Variants in EPG5 observed in about 807,000 individuals in gnomAD.
The protein encoded by EPG5 is ectopic P granules protein 5 homolog.
In EPG5, 159 loss-of-function variants were observed where a neutral mutation model predicts 302.7. The observed-to-expected ratio is 0.53, with a 90% CI of 0.46 to 0.60. The LOEUF (loss-of-function observed/expected upper bound fraction) is 0.60. EPG5 is among the 20% of genes least tolerant of loss of function. The pLI, the probability that EPG5 is intolerant of heterozygous loss-of-function variation, is 0.00. For synonymous variants in EPG5, 1,158 were observed against 1,136.8 expected, an observed-to-expected ratio of 1.02 and a Z score of -0.37; for missense variants, 2,896 against 3,092.4, an observed-to-expected ratio of 0.94 and a Z score of 1.51.
the EPG5 span, among the ~76,000 whole-genome samples, chr18:45,813,852 A>ACGT: frequency 6.6e-6 from 1 of 152,164 alleles, no homozygotes; most frequent in Non-Finnish European, 1.5e-5. Context: ...AACATGGCGC[A>ACGT]CGTATACATA....
In EPG5 at chr18:45,864,848, C is replaced by G. The variant is rs888923165; in HGVS notation, c.6766+767G>C. On this transcript the variant is annotated intron_variant, in intron 39 of 43. Coordinates refer to ENST00000282041, the MANE Select transcript of EPG5 (RefSeq NM_020964.3). ...AATTCTCAAAACAGATATCTCTTTT[C>G]CTGCATAAACATTTAACCTAACAAC... Among the ~76,000 whole-genome samples the G allele has an allele frequency of 2.6e-5, 4 of 152,208 alleles. 1 individual carries two copies. Among genetic ancestry groups the G allele is most frequent in the African/African-American group, 9.7e-5 (4 of 41,450 alleles).
intron 32 of EPG5, 87 bp from the exon 33 acceptor site, chr18:45,879,301 T>C: frequency 1.1e-6 from 1 of 906,650 alleles, no homozygotes; most frequent in South Asian, 1.6e-5. Context: ...GTGTATATAG[T>C]AGGTCTTTGA....
chr18:45,958,588 TACA>T (rs371480781), intron 1 of EPG5, among the ~76,000 whole-genome samples: 103 of 152,312 alleles, frequency 6.8e-4, no homozygotes, highest in African/African-American at 2.3e-3. Flanking sequence ...CAAATGGTGC[TACA>T]ACAACTGGAT....
At position 45,916,654 on chromosome 18, in the gene EPG5, G is replaced by A. The variant is rs563211746; in HGVS notation, c.3240-72C>T. The A allele has an allele frequency of 2.5e-5, 36 of 1,443,956 alleles. No homozygotes were observed. In the African/African-American group the frequency reaches 4.0e-4, roughly 16 times the overall value. The allele number at this position is 1,443,956 out of a possible 1,614,324, so 89.4% of individuals were successfully genotyped here. A position where few individuals can be genotyped will look rare whatever the true frequency, so the allele number is the denominator to read the frequency against. On this transcript the variant is annotated intron_variant, in intron 17 of 43. Transcript: ENST00000282041. ...AACAGAATTTTCCCTAATTACTTATGAGGAAACAGAAAATTCCTAAATTGG... is the reference window on the plus strand; with the variant it reads ...AACAGAATTTTCCCTAATTACTTATAAGGAAACAGAAAATTCCTAAATTGG...
chr18:45,823,413 C>A, the EPG5 span, among the ~76,000 whole-genome samples: 3 of 152,082 alleles, frequency 2.0e-5, no homozygotes. Flanking sequence ...AGAATTGAGA[C>A]CCCTTGTCCC....
the EPG5 span, among the ~76,000 whole-genome samples, chr18:45,804,454 T>A: frequency 1.3e-5 from 2 of 152,012 alleles, no homozygotes; most frequent in African/African-American, 4.8e-5. Context: ...TCAAGTTAAA[T>A]AAAAGAAAAA....
rs1477755722 is a variant in EPG5 at position 45,858,571 on chromosome 18, G to A, written c.7221C>T (p.Tyr2407=). The A allele has an allele frequency of 2.5e-6, 4 of 1,613,526 alleles. No individual in the cohort carries two copies. Among genetic ancestry groups the A allele is most frequent in the South Asian group, 2.2e-5 (2 of 91,068 alleles). ...CAGCCTGAGGGCCAACGTACCTTGG[G>A]TACACCTGTTCCAGCCACTTGCTTA... ...LILSKWLEQV[Y]PSSVEEEAKL... Residue 2407 remains tyrosine, a synonymous_variant, in exon 41 of 44, where the codon TAC becomes TAT. Transcript: ENST00000282041.
Position 45,952,200 on chromosome 18 carries a change from G to A in EPG5, c.1252+200C>T, listed in dbSNP as rs183314369. On this transcript the variant is annotated intron_variant, in intron 3 of 43. Transcript: ENST00000282041. ...TAGAGAAGCAGAGAAAGACAGCCAC[G>A]GAGAAAGGAGACCTGGCAATGCTCC... Among the ~76,000 whole-genome samples the A allele has an allele frequency of 1.0e-3, 155 of 152,262 alleles. 2 individuals carry two copies. Among genetic ancestry groups the A allele is most frequent in the Non-Finnish European group, 1.0e-4 (7 of 68,026 alleles).
At chr18:45,899,627 A>G in intron 26 of EPG5, 61 bp from the exon 27 acceptor site, 6 of 1,569,786 alleles carry the variant, frequency 3.8e-6, no homozygotes, top group Non-Finnish European at 5.2e-6. Context: ...ATAGGTGATA[A>G]AGGCTTCCAG....
chr18:45,915,880 A>T (rs1043520900), intron 19 of EPG5, 129 bp downstream of exon 19: 1 of 906,954 alleles, frequency 1.1e-6, no homozygotes, highest in South Asian at 1.8e-5. Context: ...ATAAGGTACC[A>T]TTAAGGCAAA....
At chr18:45,864,975 G>A (rs533515622) in intron 39 of EPG5, among the ~76,000 whole-genome samples, 3 of 152,214 alleles carry the variant, frequency 2.0e-5, no homozygotes, top group African/African-American at 7.2e-5. Flanking sequence ...TTATGCATCG[G>A]ATTTCCTTTT....
intron 4 of EPG5, among the ~76,000 whole-genome samples, 193 bp downstream of exon 4, chr18:45,950,909 C>CTG (rs1305992369): frequency 6.6e-5 from 10 of 152,152 alleles, no homozygotes; most frequent in African/African-American, 9.7e-5. Context: ...TAGAGAGAAA[C>CTG]ATACTTTGTG....
chr18:45,828,219 T>C, the EPG5 span, among the ~76,000 whole-genome samples: 5 of 152,108 alleles, frequency 3.3e-5, no homozygotes, highest in Admixed American at 2.6e-4. Flanking sequence ...CCAGTCGTGG[T>C]CCCTTCCCTA....
intron 13 of EPG5, 102 bp downstream of exon 13, chr18:45,928,767 C>G: frequency 6.2e-6 from 7 of 1,130,438 alleles, no homozygotes; most frequent in Non-Finnish European, 8.9e-6. Flanking sequence ...CCTGTTTATA[C>G]CCCTAGTGAC....
chr18:45,843,246 C>T (rs1344798396), downstream of EPG5: 1 of 152,420 alleles, frequency 6.6e-6, no homozygotes, highest in Non-Finnish European at 1.5e-5. Context: ...ACTTCACCCC[C>T]TTTGCCCTAA....
chr18:45,813,230 C>T, the EPG5 span, among the ~76,000 whole-genome samples: 3 of 152,246 alleles, frequency 2.0e-5, no homozygotes, highest in Admixed American at 2.0e-4. Flanking sequence ...CATCTCACAC[C>T]AGTTAGAATG....
intron 40 of EPG5, 112 bp downstream of exon 40, chr18:45,859,992 A>G (rs2048598432): frequency 7.3e-6 from 10 of 1,363,830 alleles, no homozygotes; most frequent in African/African-American, 2.9e-5. Context: ...GCAGAAAATT[A>G]GAATGGCAAA....
chr18:45,835,735 A>AT, the EPG5 span, among the ~76,000 whole-genome samples: 1 of 152,076 alleles, frequency 6.6e-6, no homozygotes, highest in South Asian at 2.1e-4. Context: ...ACACAGTGGG[A>AT]TTTTTTCCAG....
rs763883423 is a variant in EPG5, at chr18:45,922,442, G to C, written c.2997C>G (p.Asp999Glu). Residue 999 changes from aspartate (D) to glutamate (E), a missense_variant, in exon 16 of 44, where the codon GAC (aspartate) becomes GAG (glutamate). Coordinates refer to ENST00000282041, the MANE Select transcript of EPG5 (RefSeq NM_020964.3). ...GATGAAACGTGGGTGACTCTGTCATGTCAGGCACAGTGACGGAGAAGGGAA... is the reference window on the plus strand; with the variant it reads ...GATGAAACGTGGGTGACTCTGTCATCTCAGGCACAGTGACGGAGAAGGGAA... ...PAVPFSVTVP[D>E]MTESPTFHPL... is the part of the protein sequence containing the mutation. 2.5e-6 allele frequency: 4 copies of C among 1,614,224 alleles called. No individual in the cohort carries two copies. The highest frequency in any genetic ancestry group is 2.5e-6 in the Non-Finnish European group (3 of 1,180,042).
Sources: gnomAD v4.1 joint callset for allele counts (sites outside exome capture counted in the v4.1 genomes callset) on GRCh38, gnomAD v4.1.1 for gene constraint, MANE v1.5 for transcripts, NCBI Gene and HGNC (gene_info 2026-07-23, HGNC 2026-07-21) for gene names.